KCNQ1: variants seen among roughly 807,000 people sequenced by gnomAD.
The protein encoded by KCNQ1 is potassium voltage-gated channel subfamily KQT member 1.
A neutral mutation model predicts 72.4 loss-of-function variants in KCNQ1; 49 were observed. The observed-to-expected ratio is 0.68, with a 90% CI of 0.54 to 0.86. The LOEUF is 0.86. Among genes scored for constraint, KCNQ1 ranks in the 40% least tolerant of loss-of-function variants. The probability of loss-of-function intolerance (pLI) is 0.00; values close to 1 mark genes in which losing one functional copy is unlikely to be tolerated. For synonymous variants in KCNQ1, 450 were observed against 412.6 expected (o/e 1.09, Z -1.10); for missense variants, 790 against 945.1 (o/e 0.84, Z 2.15).
chr11:2,636,537 A>G (rs994410324), intron 10 of KCNQ1: 5 of 152,156 alleles, frequency 3.3e-5, no homozygotes, highest in African/African-American at 1.2e-4. Context: ...GATGAAGCCC[A>G]CTTGATCATG....
chr11:2,757,216 C>T (rs776725880), intron 11 of KCNQ1, among the ~76,000 whole-genome samples: 10 of 152,060 alleles, frequency 6.6e-5, no homozygotes, highest in Admixed American at 5.2e-4. Context: ...CCCAAGGAAT[C>T]TACAATAAAA....
intron 11 of KCNQ1, among the ~76,000 whole-genome samples, chr11:2,707,383 C>A (rs1197509124): frequency 1.3e-5 from 2 of 152,202 alleles, no homozygotes; most frequent in Non-Finnish European, 2.9e-5. Context: ...ACAGAACTGC[C>A]CTAGTCAGGC....
At position 2,713,973 on chromosome 11, in the gene KCNQ1, C is replaced by T. The variant is rs1851048012; in HGVS notation, c.1514+51892C>T. On this transcript the variant is annotated intron_variant, in intron 11 of 15. Transcript: ENST00000155840. The surrounding 1 kb of genome is among the most constrained non-coding windows in gnomAD (Gnocchi z 5.6). Reference sequence around the variant, plus strand: ...CGGTTCCTGCTAACTCAGGGAGCTCCAGGTGGCTGCCACTCAGGGGTGTGT... The same window carrying T: ...CGGTTCCTGCTAACTCAGGGAGCTCTAGGTGGCTGCCACTCAGGGGTGTGT... 6.6e-6 allele frequency among the ~76,000 whole-genome samples: 1 copy of T among 152,234 alleles called. No homozygotes were observed. The highest frequency in any genetic ancestry group is 2.1e-4 in the South Asian group (1 of 4,832).
rs1023566136 is a variant in KCNQ1, at chr11:2,478,394, G to A, written c.386+32910G>A. ...ACTGGATAATTTATAAAGGGAAGAGGTTTAATTGACTCACAGTTCCACATG... is the reference window on the plus strand; with the variant it reads ...ACTGGATAATTTATAAAGGGAAGAGATTTAATTGACTCACAGTTCCACATG... On this transcript the variant is annotated intron_variant, in intron 1 of 15. Coordinates refer to ENST00000155840, the MANE Select transcript of KCNQ1 (RefSeq NM_000218.3). The surrounding 1 kb of genome is among the most constrained non-coding windows in gnomAD (Gnocchi z 4.0). Among the ~76,000 whole-genome samples, 8 of 152,166 alleles carry A rather than the reference G, an allele frequency of 5.3e-5. No individual in the cohort carries two copies. The highest frequency in any genetic ancestry group is 3.3e-4 in the Admixed American group (5 of 15,280).
rs553220396 is a variant in KCNQ1, at chr11:2,797,161, G to T, written c.1794+19124G>T. Reference sequence around the variant, plus strand: ...GATGCCGGCCGCTCCGGGCAGACCTGGGGGGGTGGCGGGGGGGAGGCCCTG... The same window carrying T: ...GATGCCGGCCGCTCCGGGCAGACCTTGGGGGGTGGCGGGGGGGAGGCCCTG... On this transcript the variant is annotated intron_variant, in intron 15 of 15. Transcript: ENST00000155840. Among the ~76,000 whole-genome samples, 26 of 136,018 alleles carry T rather than the reference G, an allele frequency of 1.9e-4. No homozygotes were observed. The East Asian group carries it at 2.1e-3, about 11-fold the overall frequency. 89.2% of individuals were successfully genotyped at this position (136,018 alleles called of 152,430 possible).
At chr11:2,847,341 T>C (rs1848351063) in intron 15 of KCNQ1, among the ~76,000 whole-genome samples, 1 of 152,142 alleles carries the variant, frequency 6.6e-6, no homozygotes, top group Admixed American at 6.5e-5. Flanking sequence ...TTAACCCAAA[T>C]GTCCCCAAGC....
At position 2,558,524 on chromosome 11, in the gene KCNQ1, C is replaced by T. The variant is rs555142127; in HGVS notation, c.478-12104C>T. Among the ~76,000 whole-genome samples, 10 of 152,312 alleles carry T rather than the reference C, an allele frequency of 6.6e-5. No homozygotes were observed. In the South Asian group the frequency reaches 1.9e-3, roughly 28 times the overall value. ...CAGCCTGTGGGCACTCTGCCTAGCG[C>T]CATCTGCCTCTCCCACCCCAGGCAG... On this transcript the variant is annotated intron_variant, in intron 2 of 15. Coordinates refer to ENST00000155840, the MANE Select transcript of KCNQ1 (RefSeq NM_000218.3).
Position 2,682,607 on chromosome 11 carries a change from G to C in KCNQ1, c.1514+20526G>C. ...CCAAGGCTGGTCTGGAGAGTGTAAG[G>C]CTTGAGAGCTCTTCTTCAGGCTCAG... On this transcript the variant is annotated intron_variant, in intron 11 of 15. Coordinates refer to ENST00000155840, the MANE Select transcript of KCNQ1 (RefSeq NM_000218.3). The surrounding 1 kb of genome is among the most constrained non-coding windows in gnomAD (Gnocchi z 5.8). 1 of 398,546 alleles carries C rather than the reference G, an allele frequency of 2.5e-6. No individual in the cohort carries two copies. Among genetic ancestry groups the C allele is most frequent in the South Asian group, 1.3e-4 (1 of 7,852 alleles). The allele number at this position is 398,546 out of a possible 1,614,324, so 24.7% of individuals were successfully genotyped here. A position where few individuals can be genotyped will look rare whatever the true frequency, so the allele number is the denominator to read the frequency against.
intron 10 of KCNQ1, chr11:2,630,999 T>G (rs1849343620): frequency 2.5e-6 from 1 of 398,552 alleles, no homozygotes; most frequent in Non-Finnish European, 4.4e-6. Flanking sequence ...ATCTTGCCGC[T>G]TTCAAAATTA....
intron 15 of KCNQ1, 25 bp from the exon 16 acceptor site, chr11:2,847,742 C>G (rs1352512342): frequency 1.3e-6 from 2 of 1,566,210 alleles, no homozygotes; most frequent in African/African-American, 1.3e-5. Context: ...ACCACTGACT[C>G]TCTCGTCTGC....
intron 2 of KCNQ1, among the ~76,000 whole-genome samples, chr11:2,568,143 T>G (rs1848272990): frequency 6.6e-6 from 1 of 151,976 alleles, no homozygotes; most frequent in Admixed American, 6.6e-5. Flanking sequence ...CGTGGTGGCA[T>G]GCGCCTGTAG....
chr11:2,778,605 A>G (rs1352805006), intron 15 of KCNQ1, among the ~76,000 whole-genome samples: 1 of 151,178 alleles, frequency 6.6e-6, no homozygotes, highest in Non-Finnish European at 1.5e-5. Flanking sequence ...CCTCTCCCCC[A>G]GGCACCCTGG....
At chr11:2,760,265 C>T (rs910236752) in intron 11 of KCNQ1, among the ~76,000 whole-genome samples, 2 of 152,182 alleles carry the variant, frequency 1.3e-5, no homozygotes, top group Admixed American at 6.5e-5. Context: ...ACTTCATGTA[C>T]GTGGACGGGG....
Position 2,622,805 on chromosome 11 carries a change from A to C in KCNQ1, c.1393+33951A>C, listed in dbSNP as rs1374569569. 9 of 398,552 alleles carry C rather than the reference A, an allele frequency of 2.3e-5. No individual in the cohort carries two copies. In the East Asian group the frequency reaches 3.2e-4, roughly 14 times the overall value. The allele number at this position is 398,552 out of a possible 1,614,324, so 24.7% of individuals were successfully genotyped here. A position where few individuals can be genotyped will look rare whatever the true frequency, so the allele number is the denominator to read the frequency against. Reference sequence around the variant, plus strand: ...TCCCGTATACCCACTGCACCCATACATACAGAGCTTTTCCCATTACCAACT... The same window carrying C: ...TCCCGTATACCCACTGCACCCATACCTACAGAGCTTTTCCCATTACCAACT... On this transcript the variant is annotated intron_variant, in intron 10 of 15. Coordinates refer to ENST00000155840, the MANE Select transcript of KCNQ1 (RefSeq NM_000218.3).
chr11:2,814,450 G>A (rs1240889602), intron 15 of KCNQ1, among the ~76,000 whole-genome samples: 1 of 151,138 alleles, frequency 6.6e-6, no homozygotes, highest in East Asian at 2.0e-4. Context: ...GAAGAGATGG[G>A]TGGGTGGATG....
chr11:2,527,994 G>C lies in KCNQ1; in HGVS notation c.453G>C (p.Leu151=), dbSNP rs1847541191. ...VLSTIEQYAA[L]ATGTLFWMEI... The stretch of plus-strand genomic sequence containing the variant: ...CCACCATCGAGCAGTATGCCGCCCT[G>C]GCCACGGGGACTCTCTTCTGGATGG... The change falls in exon 2 of 16, where the codon CTG becomes CTC. Residue 151 remains leucine (L), a synonymous_variant. Coordinates refer to ENST00000155840, the MANE Select transcript of KCNQ1 (RefSeq NM_000218.3). 1.2e-6 allele frequency: 2 copies of C among 1,613,750 alleles called. No individual in the cohort carries two copies. Among genetic ancestry groups the C allele is most frequent in the Non-Finnish European group, 1.7e-6 (2 of 1,179,896 alleles).
In KCNQ1 at chr11:2,645,845, G is replaced by A; in HGVS notation, c.1394-16116G>A. 2.5e-6 allele frequency: 1 copy of A among 398,638 alleles called. No individual in the cohort carries two copies. Among genetic ancestry groups the A allele is most frequent in the Non-Finnish European group, 4.4e-6 (1 of 226,122 alleles). The allele number at this position is 398,638 out of a possible 1,614,324, so 24.7% of individuals were successfully genotyped here. A position where few individuals can be genotyped will look rare whatever the true frequency, so the allele number is the denominator to read the frequency against. On this transcript the variant is annotated intron_variant, in intron 10 of 15. Transcript: ENST00000155840. This position sits in a 1 kb window ranked among gnomAD's most constrained non-coding sequence, Gnocchi z 5.8. Reference sequence around the variant, plus strand: ...TTCCTGAAGTTGCCTGAGGATTCAGGGGATGTGTGAATTGCCTGAGGATTC... The same window carrying A: ...TTCCTGAAGTTGCCTGAGGATTCAGAGGATGTGTGAATTGCCTGAGGATTC...
At chr11:2,528,163 C>T (rs1847544678) in intron 2 of KCNQ1, 145 bp downstream of exon 2, 1 of 758,564 alleles carries the variant, frequency 1.3e-6, no homozygotes, top group Admixed American at 2.0e-5. Context: ...CAGGGGGCAC[C>T]TCCCCAGCCC....
rs1004528205 is a variant in KCNQ1, at chr11:2,724,500, A to G, written c.1515-44344A>G. Among the ~76,000 whole-genome samples, 1 of 152,200 alleles carries G rather than the reference A, an allele frequency of 6.6e-6. No homozygotes were observed. The highest frequency in any genetic ancestry group is 2.4e-5 in the African/African-American group (1 of 41,454). ...CAAAGAGAGAGAAGTGGTGGGTGGC[A>G]GCGAGCAGGCTGTCCTGCAAGGCCG... On this transcript the variant is annotated intron_variant, in intron 11 of 15. Coordinates refer to ENST00000155840, the MANE Select transcript of KCNQ1 (RefSeq NM_000218.3). The surrounding 1 kb of genome is among the most constrained non-coding windows in gnomAD (Gnocchi z 6.8).
Sources: gnomAD v4.1 joint callset for allele counts (sites outside exome capture counted in the v4.1 genomes callset) on GRCh38, gnomAD v4.1.1 for gene constraint, Gnocchi (gnomAD v3.1) non-coding constraint, MANE v1.5 for transcripts, NCBI Gene and HGNC (gene_info 2026-07-23, HGNC 2026-07-21) for gene names.